PROCR: variants seen among roughly 807,000 people sequenced by gnomAD.
PROCR encodes endothelial protein C receptor.
In PROCR, 22 loss-of-function variants were observed where a neutral mutation model predicts 24.2. That is an observed-to-expected ratio of 0.91 (90% confidence interval 0.65 to 1.30). The LOEUF (loss-of-function observed/expected upper bound fraction) is 1.30, where lower values mean the gene tolerates loss of function less well. Ranked by LOEUF, PROCR falls within the 50% of genes most tolerant of loss-of-function variation. PROCR has a pLI of 0.00. For missense variants in PROCR, 288 were observed against 307.7 expected, an observed-to-expected ratio of 0.94 and a Z score of 0.48; for synonymous variants, 137 against 139.2, an observed-to-expected ratio of 0.98 and a Z score of 0.11.
At chr20:35,194,260 GA>G in intron 1 of PROCR, among the ~76,000 whole-genome samples, 1 of 152,168 alleles carries the variant, frequency 6.6e-6, no homozygotes, top group Non-Finnish European at 1.5e-5. Context: ...TTGTTTTACA[GA>G]AGAACAGAGA....
intron 3 of PROCR, 85 bp downstream of exon 3, chr20:35,176,531 G>A (rs2086020483): frequency 2.5e-6 from 4 of 1,600,520 alleles, no homozygotes; most frequent in Non-Finnish European, 3.4e-6. Context: ...TGGATGCCTA[G>A]AGCAACAAGA....
intron 1 of PROCR, among the ~76,000 whole-genome samples, chr20:35,210,280 C>T (rs1044253163): frequency 6.6e-6 from 1 of 152,018 alleles, no homozygotes; most frequent in Non-Finnish European, 1.5e-5. Flanking sequence ...TGCAGTGACT[C>T]ATACCTGTAA....
chr20:35,191,578 G>T (rs2086174060), intron 1 of PROCR, among the ~76,000 whole-genome samples: 1 of 152,146 alleles, frequency 6.6e-6, no homozygotes, highest in African/African-American at 2.4e-5. Flanking sequence ...CAGGCCTCTG[G>T]AATAAGATGA....
At chr20:35,215,784 A>T in intron 1 of PROCR, 1 of 768,076 alleles carries the variant, frequency 1.3e-6, no homozygotes, top group Non-Finnish European at 1.6e-6. Flanking sequence ...CTTTTCATTG[A>T]CTGTTAGCTG....
At chr20:35,209,322 G>A (rs1021927515) in intron 1 of PROCR, among the ~76,000 whole-genome samples, 1 of 152,158 alleles carries the variant, frequency 6.6e-6, no homozygotes, top group Non-Finnish European at 1.5e-5. Flanking sequence ...AGCAGGGGAA[G>A]CCTAGAGGAG....
intron 1 of PROCR, among the ~76,000 whole-genome samples, chr20:35,215,410 G>C (rs1180385501): frequency 3.3e-5 from 5 of 151,958 alleles, no homozygotes; most frequent in African/African-American, 1.2e-4. Context: ...TCCCCAGCCA[G>C]AGTGACCTCA....
chr20:35,172,494 G>A (rs1392438442), intron 1 of PROCR, among the ~76,000 whole-genome samples: 5 of 152,126 alleles, frequency 3.3e-5, no homozygotes, highest in African/African-American at 1.2e-4. Flanking sequence ...AGCAGAGAGG[G>A]TAGGAGAATC....
intron 1 of PROCR, among the ~76,000 whole-genome samples, chr20:35,203,992 G>T (rs1305436187): frequency 6.6e-6 from 1 of 151,956 alleles, no homozygotes; most frequent in Non-Finnish European, 1.5e-5. Context: ...AAAACCAAAA[G>T]CTTTGAAAAG....
chr20:35,209,099 T>A (rs1046149400), intron 1 of PROCR, among the ~76,000 whole-genome samples: 3 of 152,176 alleles, frequency 2.0e-5, no homozygotes, highest in African/African-American at 7.2e-5. Context: ...AATTACTTAA[T>A]TACAGTTTGA....
chr20:35,175,776 G>C (rs2146145042), intron 2 of PROCR, among the ~76,000 whole-genome samples: 1 of 151,846 alleles, frequency 6.6e-6, no homozygotes, highest in East Asian at 1.9e-4. Flanking sequence ...AGTAGAGACG[G>C]GGTTTCGCCA....
intron 1 of PROCR, among the ~76,000 whole-genome samples, chr20:35,189,045 G>A (rs2086150262): frequency 6.6e-6 from 1 of 152,164 alleles, no homozygotes; most frequent in Non-Finnish European, 1.5e-5. Context: ...TAAAGCATGT[G>A]TGTTTGAACA....
intron 1 of PROCR, chr20:35,174,460 G>T (rs2085984840): frequency 1.8e-6 from 1 of 570,278 alleles, no homozygotes; most frequent in South Asian, 2.0e-5. Flanking sequence ...GAGGCAGAAA[G>T]GAGTGTCTCT....
chr20:35,192,013 G>T (rs2086177526), intron 1 of PROCR, among the ~76,000 whole-genome samples: 2 of 152,046 alleles, frequency 1.3e-5, no homozygotes, highest in Admixed American at 6.6e-5. Flanking sequence ...CAAGGACAAG[G>T]GTGATACCAC....
rs181992629 is a variant in PROCR at position 35,197,619 on chromosome 20, C to G, written c.95-18274C>G. Among the ~76,000 whole-genome samples the G allele has an allele frequency of 6.2e-3, 941 of 150,820 alleles. 10 individuals are homozygous for G. The highest frequency in any genetic ancestry group is 0.022 in the African/African-American group (886 of 41,108). On this transcript the variant is annotated intron_variant, in intron 1 of 1. Coordinates refer to the PROCR transcript ENST00000634509. ...TGGGCGGATCACAAGGTCAGGAGTT[C>G]GAGACTAGCCTGGCCAACATGGTGA... is the stretch of plus-strand genomic sequence containing the variant.
At chr20:35,208,002 G>C (rs1247374304) in intron 1 of PROCR, among the ~76,000 whole-genome samples, 1 of 152,194 alleles carries the variant, frequency 6.6e-6, no homozygotes, top group Non-Finnish European at 1.5e-5. Context: ...GGGCACTTTA[G>C]TGAGAATCCA....
chr20:35,214,773 G>A (rs911453160), intron 1 of PROCR, among the ~76,000 whole-genome samples: 7 of 151,966 alleles, frequency 4.6e-5, no homozygotes, highest in Non-Finnish European at 8.8e-5. Flanking sequence ...GGAGAAACCT[G>A]AGTAAGAAAT....
At chr20:35,214,399 G>A (rs1408340218) in intron 1 of PROCR, among the ~76,000 whole-genome samples, 1 of 152,080 alleles carries the variant, frequency 6.6e-6, no homozygotes, top group Non-Finnish European at 1.5e-5. Context: ...AAAAATGGCT[G>A]CATTGGGCCG....
At chr20:35,188,717 T>C (rs2086147888) in intron 1 of PROCR, among the ~76,000 whole-genome samples, 1 of 152,168 alleles carries the variant, frequency 6.6e-6, no homozygotes, top group South Asian at 2.1e-4. Context: ...AAATCAAATT[T>C]TAGTACCAGA....
At chr20:35,216,236 A>C (rs2060381789) in exon 2 of PROCR, 1 of 152,208 alleles carries the variant, frequency 6.6e-6, no homozygotes, top group Non-Finnish European at 1.5e-5. Flanking sequence ...AAAATAAAGA[A>C]TGTCACTCTT....
Sources: gnomAD v4.1 joint callset for allele counts (sites outside exome capture counted in the v4.1 genomes callset) on GRCh38, gnomAD v4.1.1 for gene constraint, MANE v1.5 for transcripts, NCBI Gene and HGNC (gene_info 2026-07-23, HGNC 2026-07-21) for gene names.